Variants in PLEKHG3 observed in about 807,000 individuals in gnomAD.
PLEKHG3 encodes pleckstrin homology and RhoGEF domain containing G3.
In PLEKHG3, 62 loss-of-function variants were observed where a neutral mutation model predicts 94.9. The ratio of observed to expected loss-of-function variants is 0.65; its 90% CI spans 0.53 to 0.81. The LOEUF (loss-of-function observed/expected upper bound fraction) is 0.81, where lower values mean the gene tolerates loss of function less well. Among genes scored for constraint, PLEKHG3 ranks in the 30% least tolerant of loss-of-function variants. The pLI is 0.00. For missense variants in PLEKHG3, 1,461 were observed against 1,619.3 expected (o/e 0.90, Z 1.68); for synonymous variants, 614 against 654.0 (o/e 0.94, Z 0.93).
chr14:64,708,564 CAG>C (rs1204316030), intron 1 of PLEKHG3, among the ~76,000 whole-genome samples: 2 of 152,118 alleles, frequency 1.3e-5, no homozygotes, highest in Non-Finnish European at 2.9e-5. Flanking sequence ...TTTAAAGTAA[CAG>C]AGTGACAGAC....
At chr14:64,729,392 A>G (rs1043640638) in intron 3 of PLEKHG3, among the ~76,000 whole-genome samples, 3 of 150,960 alleles carry the variant, frequency 2.0e-5, no homozygotes, top group Non-Finnish European at 3.0e-5. Context: ...GTGGAAGAGA[A>G]CCTTCCCTGT....
Position 64,732,593 on chromosome 14 carries a change from G to A in PLEKHG3, c.1246+133G>A. The stretch of plus-strand genomic sequence containing the variant: ...GGCGGGGGTCTCCTGTTAAGGGCTG[G>A]GGGGTGAACTACATGATTAAGGATG... On this transcript the variant is annotated intron_variant, in intron 11 of 16. Coordinates refer to ENST00000247226, the MANE Select transcript of PLEKHG3 (RefSeq NM_001308147.2). This position sits in a 1 kb window ranked among gnomAD's most constrained non-coding sequence, Gnocchi z 4.9. 1 of 833,054 alleles carries A rather than the reference G, an allele frequency of 1.2e-6. No homozygotes were observed. 51.6% of individuals were successfully genotyped at this position (833,054 alleles called of 1,614,324 possible).
In PLEKHG3 at chr14:64,731,358, C is replaced by T; in HGVS notation, c.850-3C>T. 6.2e-7 allele frequency: 1 copy of T among 1,612,264 alleles called. No individual in the cohort carries two copies. Among genetic ancestry groups the T allele is most frequent in the Non-Finnish European group, 8.5e-7 (1 of 1,179,142 alleles). ...TCTAGGGATTGGGGCCCCTCTGCTGCAGGAGATTCAGTCACTCCTCATCAA... is the reference window on the plus strand; with the variant it reads ...TCTAGGGATTGGGGCCCCTCTGCTGTAGGAGATTCAGTCACTCCTCATCAA... On this transcript the variant is annotated splice_polypyrimidine_tract_variant and splice_region_variant and intron_variant, in intron 7 of 16. Coordinates refer to ENST00000247226, the MANE Select transcript of PLEKHG3 (RefSeq NM_001308147.2). This position sits in a 1 kb window ranked among gnomAD's most constrained non-coding sequence, Gnocchi z 6.1.
Position 64,732,902 on chromosome 14 carries a change from G to A in PLEKHG3, c.1345+1G>A. ...GTGCGCCAGGGGCGCCGGCAATCTG[G>A]TAAGAGAAGGGCTGTGGAGGCAGGA... On this transcript the variant is annotated splice_donor_variant, in intron 12 of 16. Transcript: ENST00000247226. LOFTEE classifies it high-confidence loss of function. This position sits in a 1 kb window ranked among gnomAD's most constrained non-coding sequence, Gnocchi z 4.9. 6.3e-7 allele frequency: 1 copy of A among 1,585,960 alleles called. No individual in the cohort carries two copies.
intron 12 of PLEKHG3, among the ~76,000 whole-genome samples, chr14:64,733,463 C>T (rs560443539): frequency 5.9e-5 from 9 of 152,238 alleles, no homozygotes; most frequent in South Asian, 2.1e-4. Flanking sequence ...CCACTGTACC[C>T]GTCCAGCCCA....
At position 64,717,146 on chromosome 14, in the gene PLEKHG3, T is replaced by TGTGA. The variant is rs2081181267; in HGVS notation, c.-39-10444_-39-10441dup. Among the ~76,000 whole-genome samples, 1 of 151,792 alleles carries TGTGA rather than the reference T, an allele frequency of 6.6e-6. No homozygotes were observed. Among genetic ancestry groups the TGTGA allele is most frequent in the East Asian group, 1.9e-4 (1 of 5,182 alleles). On this transcript the variant is annotated intron_variant, in intron 1 of 16. Transcript: ENST00000247226. The surrounding 1 kb of genome is among the most constrained non-coding windows in gnomAD (Gnocchi z 4.7). ...GTGTGTGTGTGTGTGTGTGTGTGTG[T>TGTGA]GTGAGTCCATAAGGTCTGCTTTGGA...
Position 64,746,345 on chromosome 14 carries a change from G to A in PLEKHG3, c.*2642G>A, listed in dbSNP as rs183472086. 3 of 152,672 alleles carry A rather than the reference G, an allele frequency of 2.0e-5. No homozygotes were observed. Among genetic ancestry groups the A allele is most frequent in the Non-Finnish European group, 2.9e-5 (2 of 68,050 alleles). 9.5% of individuals were successfully genotyped at this position (152,672 alleles called of 1,614,324 possible). A position where few individuals can be genotyped will look rare whatever the true frequency, so the allele number is the denominator to read the frequency against. On this transcript the variant is annotated 3_prime_UTR_variant, in exon 17 of 17. Transcript: ENST00000247226. The surrounding 1 kb of genome is among the most constrained non-coding windows in gnomAD (Gnocchi z 4.9). ...GGTTTCCTCTGGTTGGTGGAAGCAC[G>A]GTTGAGCAGGTGGAGGACAGGACCC...
In PLEKHG3 at chr14:64,728,530, G is replaced by T. The variant is rs1206213498; in HGVS notation, c.352-466G>T. On this transcript the variant is annotated intron_variant, in intron 2 of 16. Transcript: ENST00000247226. The surrounding 1 kb of genome is among the most constrained non-coding windows in gnomAD (Gnocchi z 5.9). ...AAATGTGTTCTCACTCAGTTCAGGA[G>T]GCCAGAAGTCCAAAAATCAATGTGT... 6.6e-6 allele frequency among the ~76,000 whole-genome samples: 1 copy of T among 152,244 alleles called. No homozygotes were observed. The highest frequency in any genetic ancestry group is 2.4e-5 in the African/African-American group (1 of 41,468).
chr14:64,729,043 A>G lies in PLEKHG3; in HGVS notation c.399A>G (p.Glu133=). Residue 133 remains glutamate (E), a synonymous_variant, in exon 3 of 17, where the codon GAA becomes GAG. Transcript: ENST00000247226. The part of the protein sequence containing the change: ...IIDTPGLLKP[E]QVSALFGNIE... ...ACACACCCGGGCTGCTGAAGCCAGA[A>G]CAGGTCAGCGCCCTCTTTGGGAACA... is the stretch of plus-strand genomic sequence containing the variant. 1 of 1,529,680 alleles carries G rather than the reference A, an allele frequency of 6.5e-7. No homozygotes were observed. Among genetic ancestry groups the G allele is most frequent in the Non-Finnish European group, 8.8e-7 (1 of 1,141,282 alleles). 94.8% of individuals were successfully genotyped at this position (1,529,680 alleles called of 1,614,324 possible).
chr14:64,737,318 C>T (rs374552298), intron 13 of PLEKHG3, 38 bp from the exon 14 acceptor site: 44 of 1,578,806 alleles, frequency 2.8e-5, no homozygotes, highest in Middle Eastern at 1.7e-4. Context: ...CCCTGCCCCT[C>T]GCCCGTGTGC....
rs985067865 is a variant in PLEKHG3, at chr14:64,726,494, G to A, written c.-39-1099G>A. Among the ~76,000 whole-genome samples, 56 of 152,266 alleles carry A rather than the reference G, an allele frequency of 3.7e-4. No homozygotes were observed. The highest frequency in any genetic ancestry group is 1.3e-3 in the African/African-American group (53 of 41,532). On this transcript the variant is annotated intron_variant, in intron 1 of 16. Coordinates refer to ENST00000247226, the MANE Select transcript of PLEKHG3 (RefSeq NM_001308147.2). The surrounding 1 kb of genome is among the most constrained non-coding windows in gnomAD (Gnocchi z 5.1). ...AGGGGTGGGCATGGGTGTTGCATGG[G>A]TGTCCCTGTCCTTCCCAAAGGCTGC...
rs921565038 is a variant in PLEKHG3, at chr14:64,716,332, G to A, written c.-39-11261G>A. Among the ~76,000 whole-genome samples the A allele has an allele frequency of 2.0e-5, 3 of 152,010 alleles. No individual in the cohort carries two copies. The highest frequency in any genetic ancestry group is 4.4e-5 in the Non-Finnish European group (3 of 68,000). On this transcript the variant is annotated intron_variant, in intron 1 of 16. Transcript: ENST00000247226. The surrounding 1 kb of genome is among the most constrained non-coding windows in gnomAD (Gnocchi z 5.0). ...TGTGTCTGGGTGACACAGCAAGACA[G>A]CCCTTTTGGAGGCAACTGTAAATGG...
rs74056392 is a variant in PLEKHG3 at position 64,714,756 on chromosome 14, A to G, written c.-40+10052A>G. ...GCTTGGCCTTCCCTTCCCAAACTTA[A>G]TATCTGTGCTCCCACTGGGGATGCC... On this transcript the variant is annotated intron_variant, in intron 1 of 16. Transcript: ENST00000247226. Among the ~76,000 whole-genome samples the G allele has an allele frequency of 8.7e-3, 1,321 of 152,222 alleles. 19 individuals are homozygous for G. The highest frequency in any genetic ancestry group is 0.03 in the African/African-American group (1,252 of 41,526).
At position 64,732,017 on chromosome 14, in the gene PLEKHG3, G is replaced by A; in HGVS notation, c.1126-78G>A. The A allele has an allele frequency of 8.9e-7, 1 of 1,119,892 alleles. No homozygotes were observed. The highest frequency in any genetic ancestry group is 1.4e-6 in the Non-Finnish European group (1 of 733,172). 69.4% of individuals were successfully genotyped at this position (1,119,892 alleles called of 1,614,324 possible). Reference sequence around the variant, plus strand: ...GCATGGCCCCACTTTTTCTCCCTGGGTGGAAGCACTGTCCATGCTAGACAG... The same window carrying A: ...GCATGGCCCCACTTTTTCTCCCTGGATGGAAGCACTGTCCATGCTAGACAG... On this transcript the variant is annotated intron_variant, in intron 9 of 16. Coordinates refer to ENST00000247226, the MANE Select transcript of PLEKHG3 (RefSeq NM_001308147.2). This position sits in a 1 kb window ranked among gnomAD's most constrained non-coding sequence, Gnocchi z 4.9.
chr14:64,749,260 C>G lies in PLEKHG3; in HGVS notation c.*5557C>G, dbSNP rs761418574. The G allele has an allele frequency of 1.3e-6, 2 of 1,539,574 alleles. No individual in the cohort carries two copies. The highest frequency in any genetic ancestry group is 1.4e-5 in the African/African-American group (1 of 73,102). On this transcript the variant is annotated 3_prime_UTR_variant, in exon 17 of 17. Transcript: ENST00000247226. The surrounding 1 kb of genome is among the most constrained non-coding windows in gnomAD (Gnocchi z 4.7). The stretch of plus-strand genomic sequence containing the variant: ...AGAGGAGGCCAAGGCCTGGGCTGCC[C>G]GGTCTCTGCGCGTCCCGACTCCGCC...
At chr14:64,719,613 G>A (rs534789505) in intron 1 of PLEKHG3, among the ~76,000 whole-genome samples, 1 of 151,962 alleles carries the variant, frequency 6.6e-6, no homozygotes, top group South Asian at 2.1e-4. Context: ...GGGCTCTACT[G>A]CATCTGTGCA....
rs916568544 is a variant in PLEKHG3, at chr14:64,716,969, G to C, written c.-39-10624G>C. 6.6e-6 allele frequency among the ~76,000 whole-genome samples: 1 copy of C among 152,228 alleles called. No individual in the cohort carries two copies. On this transcript the variant is annotated intron_variant, in intron 1 of 16. Coordinates refer to ENST00000247226, the MANE Select transcript of PLEKHG3 (RefSeq NM_001308147.2). This position sits in a 1 kb window ranked among gnomAD's most constrained non-coding sequence, Gnocchi z 5.0. Reference sequence around the variant, plus strand: ...GATGAGTTTCTTAGGCGTCTCTGGTGAGGCCCCTTAGTAGGGGAAGCGGGG... The same window carrying C: ...GATGAGTTTCTTAGGCGTCTCTGGTCAGGCCCCTTAGTAGGGGAAGCGGGG...
intron 14 of PLEKHG3, 72 bp downstream of exon 14, chr14:64,737,447 T>C: frequency 9.6e-7 from 1 of 1,045,564 alleles, no homozygotes; most frequent in South Asian, 1.6e-5. Flanking sequence ...CCCCGGCCCC[T>C]TCAGCCCTCA....
In PLEKHG3 at chr14:64,732,329, C is replaced by A; in HGVS notation, c.1213-98C>A. 1 of 1,274,046 alleles carries A rather than the reference C, an allele frequency of 7.8e-7. No individual in the cohort carries two copies. Among genetic ancestry groups the A allele is most frequent in the Non-Finnish European group, 1.1e-6 (1 of 871,350 alleles). The allele number at this position is 1,274,046 out of a possible 1,614,324, so 78.9% of individuals were successfully genotyped here. A position where few individuals can be genotyped will look rare whatever the true frequency, so the allele number is the denominator to read the frequency against. The stretch of plus-strand genomic sequence containing the variant: ...GCAGATGCCCCGGGCCTTGGTGCAG[C>A]ACTGTGGGGTGTCCTCGTACAGCAA... On this transcript the variant is annotated intron_variant, in intron 10 of 16. Transcript: ENST00000247226. The surrounding 1 kb of genome is among the most constrained non-coding windows in gnomAD (Gnocchi z 4.9).
Sources: allele counts gnomAD v4.1 joint callset (sites outside exome capture counted in the v4.1 genomes callset), GRCh38; gene constraint gnomAD v4.1.1; non-coding constraint Gnocchi (gnomAD v3.1); transcripts MANE v1.5; gene names NCBI Gene and HGNC (gene_info 2026-07-23, HGNC 2026-07-21).